SYTL5: variants seen among roughly 807,000 people sequenced by gnomAD.
SYTL5 encodes synaptotagmin-like protein 5.
SYTL5 carries 34 observed loss-of-function variants against 55.9 expected under a neutral mutation model. The observed-to-expected ratio is 0.61, with a 90% CI of 0.46 to 0.81. The LOEUF (loss-of-function observed/expected upper bound fraction) is 0.81. Among genes scored for constraint, SYTL5 ranks in the 30% least tolerant of loss-of-function variants. The pLI is 0.00. For missense variants in SYTL5, 637 were observed against 546.7 expected (o/e 1.17, Z -1.65); for synonymous variants, 221 against 188.7 (o/e 1.17, Z -1.40).
the SYTL5 span, among the ~76,000 whole-genome samples, chrX:37,924,260 T>C: frequency 1.8e-5 from 2 of 111,699 alleles, no homozygotes; most frequent in Non-Finnish European, 3.8e-5. Flanking sequence ...AGTCATGGGT[T>C]CAAATCCTAC....
At chrX:38,071,797 T>C (rs1268071911) in intron 3 of SYTL5, among the ~76,000 whole-genome samples, 1 of 111,949 alleles carries the variant, frequency 8.9e-6, no homozygotes, top group Non-Finnish European at 1.9e-5. Flanking sequence ...TCTATAACAT[T>C]AGGATAATAG....
At chrX:37,991,287 A>C in the SYTL5 span, 1 of 1,104,916 alleles carries the variant, frequency 9.1e-7, no homozygotes, top group African/African-American at 1.9e-5. Flanking sequence ...GTCATCAACA[A>C]GTGCTATTAA....
intron 3 of SYTL5, among the ~76,000 whole-genome samples, chrX:38,068,193 A>G (rs1314229958): frequency 3.6e-5 from 4 of 112,285 alleles, no homozygotes; most frequent in Admixed American, 9.5e-5. Flanking sequence ...ATCACTAATC[A>G]TCAGAGAAAT....
At chrX:37,960,769 TA>T in the SYTL5 span, among the ~76,000 whole-genome samples, 30 of 17,737 alleles carry the variant, frequency 1.7e-3, no homozygotes, top group African/African-American at 5.8e-3. Context: ...AGATTATTTT[TA>T]TTTATTTATT....
chrX:38,079,936 G>T (rs1569179775), intron 6 of SYTL5, among the ~76,000 whole-genome samples: 1 of 112,365 alleles, frequency 8.9e-6, no homozygotes, highest in African/African-American at 3.2e-5. Flanking sequence ...ACTAACAACT[G>T]TTTTTTAGTA....
chrX:38,043,405 G>T (rs1027943877), intron 2 of SYTL5, among the ~76,000 whole-genome samples: 2 of 103,504 alleles, frequency 1.9e-5, no homozygotes, highest in Non-Finnish European at 3.9e-5. Context: ...ATATATATAT[G>T]CAATTTTCAT....
chrX:38,025,393 T>A (rs949759620), intron 1 of SYTL5, among the ~76,000 whole-genome samples: 2 of 112,357 alleles, frequency 1.8e-5, no homozygotes, highest in African/African-American at 6.5e-5. Context: ...TAGGTGTGTG[T>A]TACTCAAAAT....
intron 1 of SYTL5, 94 bp downstream of exon 1, chrX:38,006,762 T>C (rs1470581655): frequency 9.0e-6 from 1 of 111,560 alleles, no homozygotes; most frequent in Non-Finnish European, 1.9e-5. Flanking sequence ...GATTTGCTGG[T>C]CAGGAAGAAA....
At chrX:38,027,821 CTTCT>C (rs1934827562) in intron 1 of SYTL5, among the ~76,000 whole-genome samples, 1 of 91,660 alleles carries the variant, frequency 1.1e-5, no homozygotes, top group African/African-American at 5.6e-5. Context: ...ATTAATTCTT[CTTCT>C]TTTTTTTTTT....
chrX:38,011,747 G>A (rs190211003), intron 1 of SYTL5, among the ~76,000 whole-genome samples: 1 of 111,880 alleles, frequency 8.9e-6, no homozygotes, highest in East Asian at 2.8e-4. Flanking sequence ...GGGTATCTGT[G>A]AGTTTCCATC....
chrX:38,096,593 T>A (rs1936945288), intron 9 of SYTL5, among the ~76,000 whole-genome samples: 1 of 111,398 alleles, frequency 9.0e-6, no homozygotes. Context: ...CATTGCTATA[T>A]CTCAAGTTAC....
intron 7 of SYTL5, among the ~76,000 whole-genome samples, chrX:38,093,009 C>T (rs913602791): frequency 1.8e-5 from 2 of 111,812 alleles, no homozygotes; most frequent in Admixed American, 9.5e-5. Flanking sequence ...CTTGGTCTTG[C>T]TTCATTAAAG....
intron 13 of SYTL5, among the ~76,000 whole-genome samples, chrX:38,118,004 A>G (rs1937519589): frequency 9.0e-6 from 1 of 111,536 alleles, no homozygotes; most frequent in Non-Finnish European, 1.9e-5. Context: ...CTCATTGATG[A>G]CGGTACCAAA....
At chrX:37,934,640 CTT>C in the SYTL5 span, among the ~76,000 whole-genome samples, 1 of 97,233 alleles carries the variant, frequency 1.0e-5, no homozygotes, top group Admixed American at 1.1e-4. Context: ...TTTTTTTTTT[CTT>C]TTTTTTTTTT....
chrX:37,973,808 T>A, the SYTL5 span, among the ~76,000 whole-genome samples: 31 of 109,963 alleles, frequency 2.8e-4, no homozygotes, highest in South Asian at 7.9e-4. Context: ...CTATTTTTTT[T>A]TAAAAAATAT....
upstream of SYTL5, among the ~76,000 whole-genome samples, chrX:38,003,396 A>G: frequency 9.0e-6 from 1 of 111,676 alleles, no homozygotes; most frequent in East Asian, 2.8e-4. Flanking sequence ...TACAAAATCA[A>G]TGTACAAAAA....
chrX:37,926,321 T>C, the SYTL5 span, among the ~76,000 whole-genome samples: 1 of 111,314 alleles, frequency 9.0e-6, no homozygotes, highest in Non-Finnish European at 1.9e-5. Flanking sequence ...TACAATACGA[T>C]TGTTTTTTGA....
At chrX:37,963,188 T>C in the SYTL5 span, among the ~76,000 whole-genome samples, 1 of 111,945 alleles carries the variant, frequency 8.9e-6, no homozygotes, top group Non-Finnish European at 1.9e-5. Flanking sequence ...GATGCTATTG[T>C]AAATGGGATT....
the SYTL5 span, among the ~76,000 whole-genome samples, chrX:37,973,155 AT>A: frequency 0.18 from 20,347 of 110,697 alleles, 1,784 homozygotes; most frequent in Non-Finnish European, 0.26. Flanking sequence ...GGGGTTAAAT[AT>A]TTTTTTCATT....
Sources: allele counts gnomAD v4.1 joint callset (sites outside exome capture counted in the v4.1 genomes callset), GRCh38; gene constraint gnomAD v4.1.1; transcripts MANE v1.5; gene names NCBI Gene and HGNC (gene_info 2026-07-23, HGNC 2026-07-21).